NUP210L: variants seen among roughly 807,000 people sequenced by gnomAD.
The protein encoded by NUP210L is nuclear pore membrane glycoprotein 210-like.
NUP210L carries 74 observed loss-of-function variants against 208.5 expected under a neutral mutation model. That is an observed-to-expected ratio of 0.35 (90% CI 0.29 to 0.43). NUP210L has a LOEUF of 0.43. Among genes scored for constraint, NUP210L ranks in the 20% least tolerant of loss-of-function variants. NUP210L has a pLI of 1.00. For missense variants in NUP210L, 1,843 were observed against 2,289.4 expected (o/e 0.81, Z 3.98); for synonymous variants, 780 against 816.9 (o/e 0.95, Z 0.77).
At chr1:154,138,349 T>A in intron 5 of NUP210L, 111 bp from the exon 6 acceptor site, 1 of 977,942 alleles carries the variant, frequency 1.0e-6, no homozygotes, top group Non-Finnish European at 1.4e-6. Flanking sequence ...AAATTTTTTA[T>A]AAAGATTTTT....
rs199718592 is a variant in NUP210L, at chr1:154,018,988, G to A, written c.4598C>T (p.Pro1533Leu). 2.9e-5 allele frequency: 47 copies of A among 1,613,762 alleles called. No homozygotes were observed. In the Middle Eastern group the frequency reaches 6.6e-4, roughly 23 times the overall value. The change falls in exon 33 of 40, where the codon CCG becomes CTG. Residue 1533 changes from proline (P) to leucine (L), a missense_variant. Pro to Leu is a moderately conservative substitution (Grantham distance 98). Transcript: ENST00000368559. ...GTCATGAAAAATCATTGCAGTCCCC[G>A]GACTCCTGGCCACTCCTACTCCAGT...
At chr1:154,024,467 G>A (rs955576871) in intron 30 of NUP210L, among the ~76,000 whole-genome samples, 10 of 151,880 alleles carry the variant, frequency 6.6e-5, no homozygotes, top group South Asian at 2.1e-4. Context: ...ATTTTTTTTC[G>A]TGTTAAGACT....
At chr1:154,056,945 G>C (rs1653901558) in exon 23 of NUP210L, 1 of 1,607,530 alleles carries the variant, frequency 6.2e-7, no homozygotes, top group African/African-American at 1.3e-5. Context: ...TTGCTCCATT[G>C]GTCTGCAAAA....
Position 154,041,665 on chromosome 1 carries a change from AG to A in NUP210L, c.3696+4403del, listed in dbSNP as rs1368390065. Among the ~76,000 whole-genome samples, 14 of 152,080 alleles carry A rather than the reference AG, an allele frequency of 9.2e-5. 1 individual carries two copies. Among genetic ancestry groups the A allele is most frequent in the South Asian group, 6.2e-4 (3 of 4,826 alleles). On this transcript the variant is annotated intron_variant, in intron 27 of 39. Coordinates refer to ENST00000368559, the Ensembl canonical transcript of NUP210L. The stretch of plus-strand genomic sequence containing the variant: ...TAGAGAAAAAAAAAAAGAAAAGAAA[AG>A]AAAAAAAAACTGGCTGACCATCTTC...
At chr1:153,997,898 C>T (rs879519248) in intron 37 of NUP210L, among the ~76,000 whole-genome samples, 13 of 151,336 alleles carry the variant, frequency 8.6e-5, no homozygotes, top group Admixed American at 7.3e-4. Flanking sequence ...TTAGTAGAGA[C>T]GGGGTTTCAC....
exon 10 of NUP210L, chr1:154,126,378 G>A: frequency 6.2e-7 from 1 of 1,613,138 alleles, no homozygotes; most frequent in Non-Finnish European, 8.5e-7. Flanking sequence ...ATCTTTCAGG[G>A]CTTTTACTAT....
At chr1:154,052,568 C>G (rs895500883) in intron 25 of NUP210L, among the ~76,000 whole-genome samples, 35 of 152,204 alleles carry the variant, frequency 2.3e-4, no homozygotes, top group African/African-American at 8.4e-4. Flanking sequence ...TCAACAAGGG[C>G]TGACACAGAG....
intron 33 of NUP210L, among the ~76,000 whole-genome samples, chr1:154,016,319 C>T (rs1379255635): frequency 6.6e-6 from 1 of 151,774 alleles, no homozygotes; most frequent in South Asian, 2.1e-4. Context: ...TTGTAGCTAC[C>T]ATGTTTGAGG....
intron 15 of NUP210L, among the ~76,000 whole-genome samples, chr1:154,090,081 A>G (rs1004177066): frequency 6.6e-6 from 1 of 152,102 alleles, no homozygotes; most frequent in African/African-American, 2.4e-5. Flanking sequence ...TGTCTAAAAA[A>G]AAAAAATCTA....
chr1:154,090,874 C>A (rs1248498743), intron 15 of NUP210L, among the ~76,000 whole-genome samples: 2 of 150,696 alleles, frequency 1.3e-5, no homozygotes, highest in Non-Finnish European at 2.9e-5. Flanking sequence ...GAAATGGGAA[C>A]CCTTGTGCAC....
exon 14 of NUP210L, chr1:154,099,999 T>G: frequency 6.2e-7 from 1 of 1,614,076 alleles, no homozygotes. Flanking sequence ...ATATCTTACC[T>G]TTAGGGGTTC....
chr1:154,142,674 T>C (rs1658913867), intron 3 of NUP210L, among the ~76,000 whole-genome samples: 1 of 151,922 alleles, frequency 6.6e-6, no homozygotes, highest in Admixed American at 6.6e-5. Context: ...GCAGATCACT[T>C]GAGGCCAGGA....
intron 10 of NUP210L, among the ~76,000 whole-genome samples, chr1:154,122,270 G>A (rs1657651840): frequency 6.6e-6 from 1 of 152,136 alleles, no homozygotes; most frequent in Non-Finnish European, 1.5e-5. Context: ...TGAATTCATA[G>A]TTTAAAAACT....
chr1:154,025,458 G>T, intron 30 of NUP210L, 84 bp downstream of exon 30: 3 of 886,014 alleles, frequency 3.4e-6, no homozygotes, highest in Non-Finnish European at 3.0e-6. Context: ...AAAATTTCTA[G>T]TTTTTTAAAA....
exon 5 of NUP210L, chr1:154,139,883 T>C: frequency 6.2e-7 from 1 of 1,612,928 alleles, no homozygotes. Context: ...CATCTCCTTG[T>C]TTCTCCTCTT....
At chr1:153,996,333 C>A (rs1430723568) in intron 37 of NUP210L, among the ~76,000 whole-genome samples, 2 of 152,098 alleles carry the variant, frequency 1.3e-5, no homozygotes, top group Admixed American at 1.3e-4. Flanking sequence ...TTACCTTTCC[C>A]GTGCACTTTA....
intron 28 of NUP210L, among the ~76,000 whole-genome samples, chr1:154,028,622 G>C (rs183738665): frequency 6.6e-6 from 1 of 152,118 alleles, no homozygotes; most frequent in Non-Finnish European, 1.5e-5. Flanking sequence ...ATTGTTAATG[G>C]ACTTATAATA....
chr1:154,131,081 AC>A (rs1363277249), intron 7 of NUP210L, among the ~76,000 whole-genome samples: 2 of 151,848 alleles, frequency 1.3e-5, no homozygotes, highest in African/African-American at 4.8e-5. Context: ...CCTGGCTAAC[AC>A]GGTGAAACCC....
intron 15 of NUP210L, among the ~76,000 whole-genome samples, chr1:154,091,901 A>G (rs1655938023): frequency 6.6e-6 from 1 of 151,866 alleles, no homozygotes; most frequent in Non-Finnish European, 1.5e-5. Flanking sequence ...GACATATACT[A>G]CAGTGTGAAT....
Sources: gnomAD v4.1 joint callset for allele counts (sites outside exome capture counted in the v4.1 genomes callset) on GRCh38, gnomAD v4.1.1 for gene constraint, MANE v1.5 for transcripts, NCBI Gene and HGNC (gene_info 2026-07-23, HGNC 2026-07-21) for gene names.